Variants in SLC38A4 observed in about 807,000 individuals in gnomAD.
The protein encoded by SLC38A4 is sodium-coupled neutral amino acid transporter 4.
In SLC38A4, 20 loss-of-function variants were observed where a neutral mutation model predicts 63.1. The observed-to-expected ratio is 0.32, with a 90% CI of 0.22 to 0.46. The LOEUF (loss-of-function observed/expected upper bound fraction) is 0.46. SLC38A4 is among the 20% of genes least tolerant of loss of function. The probability of loss-of-function intolerance (pLI) is 1.00; values close to 1 mark genes in which losing one functional copy is unlikely to be tolerated. For missense variants in SLC38A4, 526 were observed against 663.6 expected (o/e 0.79, Z 2.28); for synonymous variants, 230 against 225.5 (o/e 1.02, Z -0.18).
intron 2 of SLC38A4, among the ~76,000 whole-genome samples, chr12:46,795,866 G>A (rs1021212295): frequency 3.9e-5 from 6 of 151,918 alleles, no homozygotes; most frequent in Admixed American, 6.6e-5. Flanking sequence ...TCATCACGAC[G>A]TGACTAGATG....
intron 16 of SLC38A4, among the ~76,000 whole-genome samples, chr12:46,767,573 C>A (rs777876542): frequency 2.0e-5 from 3 of 151,962 alleles, no homozygotes; most frequent in Non-Finnish European, 4.4e-5. Flanking sequence ...GCTGGGTGGA[C>A]CTTTTGATAC....
At chr12:46,821,324 G>C (rs747198501) in intron 1 of SLC38A4, among the ~76,000 whole-genome samples, 3 of 151,934 alleles carry the variant, frequency 2.0e-5, no homozygotes, top group Non-Finnish European at 2.9e-5. Flanking sequence ...TCCATTTTTA[G>C]TTTTTTGTTG....
At chr12:46,829,953 G>T (rs1350318981), upstream of SLC38A4, among the ~76,000 whole-genome samples, 1 of 152,156 alleles carries the variant, frequency 6.6e-6, no homozygotes, top group Admixed American at 6.5e-5. Flanking sequence ...AAGGTCAAAT[G>T]TTAACATAAA....
At chr12:46,792,294 A>G (rs1373964516) in intron 3 of SLC38A4, among the ~76,000 whole-genome samples, 2 of 152,098 alleles carry the variant, frequency 1.3e-5, no homozygotes, top group Non-Finnish European at 1.5e-5. Flanking sequence ...GATATGACTG[A>G]CCGTTGGCTA....
intron 1 of SLC38A4, among the ~76,000 whole-genome samples, chr12:46,815,098 T>G (rs146104936): frequency 6.6e-6 from 1 of 151,828 alleles, no homozygotes; most frequent in East Asian, 1.9e-4. Context: ...CTTTGCATTA[T>G]CTCATGTAAT....
chr12:46,788,226 G>T (rs908997334), intron 4 of SLC38A4, among the ~76,000 whole-genome samples, 195 bp from the exon 5 acceptor site: 2 of 152,194 alleles, frequency 1.3e-5, no homozygotes, highest in African/African-American at 4.8e-5. Flanking sequence ...GGTTTCAGCA[G>T]AGGCCTCAGT....
At chr12:46,830,852 G>C (rs569468849), upstream of SLC38A4, among the ~76,000 whole-genome samples, 2 of 152,296 alleles carry the variant, frequency 1.3e-5, no homozygotes, top group African/African-American at 4.8e-5. Context: ...CTTTTACTCT[G>C]AGAAATAGAC....
At chr12:46,827,096 A>G (rs143697819), upstream of SLC38A4, among the ~76,000 whole-genome samples, 623 of 152,318 alleles carry the variant, frequency 4.1e-3, 2 homozygotes, top group African/African-American at 0.014. Context: ...TTAATCATGA[A>G]TACACATTAG....
intron 11 of SLC38A4, 24 bp from the exon 12 acceptor site, chr12:46,778,392 G>C: frequency 6.2e-7 from 1 of 1,611,928 alleles, no homozygotes; most frequent in Non-Finnish European, 8.5e-7. Context: ...ACAACACCAC[G>C]TGTTTAGCAT....
At chr12:46,777,139 C>G (rs961951937) in intron 12 of SLC38A4, 135 bp from the exon 13 acceptor site, 22 of 703,890 alleles carry the variant, frequency 3.1e-5, no homozygotes, top group Non-Finnish European at 4.9e-5. Flanking sequence ...AAACTTATAG[C>G]TGATTTAAAT....
Position 46,793,045 on chromosome 12 carries a change from G to C in SLC38A4, c.27C>G (p.Val9=). The change falls in exon 3 of 17, where the codon GTC becomes GTG. Residue 9 remains valine (V), a synonymous_variant. Transcript: ENST00000266579. The part of the protein sequence containing the change: MDPMELRN[V]NIEPDDESSS... ...TGCTCTCATCATCTGGTTCGATGTTGACATTTCTCAGTTCCATGGGATCCA... is the reference window on the plus strand; with the variant it reads ...TGCTCTCATCATCTGGTTCGATGTTCACATTTCTCAGTTCCATGGGATCCA... The C allele has an allele frequency of 6.2e-7, 1 of 1,613,022 alleles. No homozygotes were observed. The highest frequency in any genetic ancestry group is 8.5e-7 in the Non-Finnish European group (1 of 1,179,300).
chr12:46,808,985 A>T (rs542078604), intron 1 of SLC38A4, among the ~76,000 whole-genome samples: 7 of 152,172 alleles, frequency 4.6e-5, no homozygotes, highest in African/African-American at 1.4e-4. Flanking sequence ...TTAAAAAATT[A>T]CATTCTTCTT....
chr12:46,773,029 T>C (rs1210604850), intron 14 of SLC38A4, among the ~76,000 whole-genome samples: 1 of 152,050 alleles, frequency 6.6e-6, no homozygotes, highest in African/African-American at 2.4e-5. Context: ...ACTTTTATCA[T>C]TTTAGTAAAG....
intron 1 of SLC38A4, among the ~76,000 whole-genome samples, chr12:46,817,641 G>A (rs1939467078): frequency 6.6e-6 from 1 of 151,760 alleles, no homozygotes. Flanking sequence ...TGTCTTCTAA[G>A]CCTTTGGACA....
At chr12:46,771,273 T>A (rs1262698093) in intron 14 of SLC38A4, among the ~76,000 whole-genome samples, 1 of 152,140 alleles carries the variant, frequency 6.6e-6, no homozygotes, top group Non-Finnish European at 1.5e-5. Flanking sequence ...AAGCTTTTTA[T>A]GGTATATACA....
upstream of SLC38A4, among the ~76,000 whole-genome samples, chr12:46,826,508 A>G (rs771269704): frequency 8.5e-5 from 13 of 152,224 alleles, no homozygotes; most frequent in Non-Finnish European, 1.6e-4. Flanking sequence ...CTGTTGTTTT[A>G]AAAAGTGCCA....
chr12:46,781,017 G>T (rs1938626179), intron 7 of SLC38A4, among the ~76,000 whole-genome samples: 1 of 151,938 alleles, frequency 6.6e-6, no homozygotes, highest in Non-Finnish European at 1.5e-5. Flanking sequence ...TTAAACTACT[G>T]AGTTTAAAAA....
intron 7 of SLC38A4, among the ~76,000 whole-genome samples, 183 bp downstream of exon 7, chr12:46,784,359 A>G (rs1938714149): frequency 1.3e-5 from 2 of 152,080 alleles, no homozygotes; most frequent in Non-Finnish European, 2.9e-5. Flanking sequence ...TCATTCTTAG[A>G]TATTGCTGTT....
rs143464601 is a variant in SLC38A4 at position 46,782,372 on chromosome 12, C to G, written c.493+2170G>C. Among the ~76,000 whole-genome samples, 693 of 151,912 alleles carry G rather than the reference C, an allele frequency of 4.6e-3. 5 individuals carry two copies. The highest frequency in any genetic ancestry group is 0.016 in the African/African-American group (649 of 41,460). ...TTATGGCACATTTGTGTAATGGAAA[C>G]CTCAAAAATCATTAAAAAGAATAAC... On this transcript the variant is annotated intron_variant, in intron 7 of 16. Coordinates refer to ENST00000266579, the MANE Select transcript of SLC38A4 (RefSeq NM_018018.5).
Sources: gnomAD v4.1 joint callset for allele counts (sites outside exome capture counted in the v4.1 genomes callset) on GRCh38, gnomAD v4.1.1 for gene constraint, MANE v1.5 for transcripts, NCBI Gene and HGNC (gene_info 2026-07-23, HGNC 2026-07-21) for gene names.